The following AKT3 variants were observed in gnomAD, a reference collection of about 807,000 sequenced individuals.
AKT3 encodes the protein RAC-gamma serine/threonine-protein kinase.
AKT3 carries 15 observed loss-of-function variants against 65.3 expected under a neutral mutation model. That is an observed-to-expected ratio of 0.23 (90% CI 0.15 to 0.35). The LOEUF (loss-of-function observed/expected upper bound fraction) is 0.35, where lower values mean the gene tolerates loss of function less well. Ranked by LOEUF, AKT3 falls within the 10% of genes least tolerant of loss-of-function variation. The pLI is 1.00. For synonymous variants in AKT3, 206 were observed against 183.8 expected (o/e 1.12, Z -0.98); for missense variants, 243 against 576.5 (o/e 0.42, Z 5.92).
At chr1:243,711,791 A>G (rs1191316501) in intron 2 of AKT3, among the ~76,000 whole-genome samples, 1 of 152,228 alleles carries the variant, frequency 6.6e-6, no homozygotes, top group Non-Finnish European at 1.5e-5. Context: ...GACTATGAGT[A>G]AATTCACTCA....
In AKT3 at chr1:243,637,650, A is replaced by G. The variant is rs766072665; in HGVS notation, c.522T>C (p.Tyr174=). Residue 174 remains tyrosine, a synonymous_variant, in exon 6 of 14, where the codon TAT becomes TAC. Transcript: ENST00000673466. ...CTTCTTTCTTCAGAATCTTCATAGC[A>G]TAGTATTTTCCACTTGCCTTCTCTC... ...LVREKASGKY[Y]AMKILKKEVI... 4.2e-5 allele frequency: 67 copies of G among 1,607,886 alleles called. No homozygotes were observed. Among genetic ancestry groups the G allele is most frequent in the Non-Finnish European group, 5.5e-5 (65 of 1,176,448 alleles).
intron 2 of AKT3, among the ~76,000 whole-genome samples, chr1:243,837,843 C>T (rs1694989244): frequency 6.6e-6 from 1 of 152,198 alleles, no homozygotes; most frequent in Non-Finnish European, 1.5e-5. Context: ...AAAATATCCA[C>T]TCTTACCACT....
chr1:243,847,548 C>T (rs1329492361), intron 1 of AKT3, among the ~76,000 whole-genome samples: 2 of 152,096 alleles, frequency 1.3e-5, no homozygotes, highest in Non-Finnish European at 2.9e-5. Context: ...TGGAAATTTC[C>T]ACTGAATTTT....
At chr1:243,849,116 C>T (rs1314237106) in intron 1 of AKT3, among the ~76,000 whole-genome samples, 2 of 152,220 alleles carry the variant, frequency 1.3e-5, no homozygotes, top group African/African-American at 4.8e-5. Flanking sequence ...AACACAGCAA[C>T]CAGCTAGGCT....
At chr1:243,659,039 A>AG (rs1682055503) in intron 4 of AKT3, among the ~76,000 whole-genome samples, 1 of 152,068 alleles carries the variant, frequency 6.6e-6, no homozygotes, top group South Asian at 2.1e-4. Flanking sequence ...CAAAAAAAAA[A>AG]GAAAGAAGGC....
At chr1:243,653,412 G>A (rs923170389) in intron 4 of AKT3, among the ~76,000 whole-genome samples, 4 of 152,178 alleles carry the variant, frequency 2.6e-5, no homozygotes, top group African/African-American at 7.2e-5. Context: ...AATTCTACCA[G>A]AGGTACAAAG....
intron 4 of AKT3, among the ~76,000 whole-genome samples, chr1:243,657,258 C>A (rs566999783): frequency 7.9e-5 from 12 of 152,246 alleles, no homozygotes; most frequent in Non-Finnish European, 1.3e-4. Context: ...TCTCTAGACA[C>A]TGAATTTGCC....
intron 2 of AKT3, among the ~76,000 whole-genome samples, chr1:243,701,004 T>TTTTGTTCAACC (rs1373893240): frequency 6.6e-6 from 1 of 152,246 alleles, no homozygotes; most frequent in East Asian, 1.9e-4. Flanking sequence ...GTATTTTTAC[T>TTTTGTTCAACC]TAATAATCTT....
chr1:243,571,191 C>T (rs917065648), intron 9 of AKT3, among the ~76,000 whole-genome samples: 4 of 152,158 alleles, frequency 2.6e-5, no homozygotes, highest in Non-Finnish European at 5.9e-5. Flanking sequence ...GTGGCACATG[C>T]CTGTAATCCC....
At chr1:243,621,496 A>G (rs552326914) in intron 6 of AKT3, among the ~76,000 whole-genome samples, 2 of 152,144 alleles carry the variant, frequency 1.3e-5, no homozygotes, top group South Asian at 4.2e-4. Context: ...AATTCTCTTC[A>G]CTGGGTACAC....
At chr1:243,841,128 C>A (rs1438451167) in intron 2 of AKT3, among the ~76,000 whole-genome samples, 1 of 152,020 alleles carries the variant, frequency 6.6e-6, no homozygotes, top group Non-Finnish European at 1.5e-5. Flanking sequence ...ACATACACAT[C>A]TCAAAATAAA....
chr1:243,850,455 G>A (rs975425932), upstream of AKT3, among the ~76,000 whole-genome samples: 2 of 151,322 alleles, frequency 1.3e-5, no homozygotes, highest in African/African-American at 2.4e-5. Flanking sequence ...CCGGCGGGGC[G>A]GCGGCTCTGG....
chr1:243,735,728 T>A (rs1687804618), intron 2 of AKT3: 5 of 152,120 alleles, frequency 3.3e-5, no homozygotes, highest in Admixed American at 3.3e-4. Context: ...CAAAAGTGGG[T>A]GCATGCTCAC....
At chr1:243,729,930 G>A (rs774309660) in intron 2 of AKT3, among the ~76,000 whole-genome samples, 4 of 152,102 alleles carry the variant, frequency 2.6e-5, no homozygotes, top group Non-Finnish European at 5.9e-5. Flanking sequence ...CTTCCTAACA[G>A]CTTTAAATAT....
intron 2 of AKT3, among the ~76,000 whole-genome samples, chr1:243,834,377 G>A (rs1263931267): frequency 6.6e-6 from 1 of 152,134 alleles, no homozygotes; most frequent in East Asian, 1.9e-4. Flanking sequence ...GAGCTGGAGG[G>A]TATTACCTAA....
chr1:243,503,315 A>C lies in AKT3; in HGVS notation c.*1934T>G, dbSNP rs1669448793. 1 of 233,618 alleles carries C rather than the reference A, an allele frequency of 4.3e-6. No individual in the cohort carries two copies. The highest frequency in any genetic ancestry group is 5.6e-5 in the Admixed American group (1 of 17,780). 14.5% of individuals were successfully genotyped at this position (233,618 alleles called of 1,614,324 possible). ...CACTGCCAGCAGTGGTTTCATAGCT[A>C]TAAATCCACACTTCCAGCGTCAAGA... On this transcript the variant is annotated 3_prime_UTR_variant, in exon 14 of 14. Coordinates refer to ENST00000673466, the MANE Select transcript of AKT3 (RefSeq NM_005465.7).
intron 8 of AKT3, among the ~76,000 whole-genome samples, chr1:243,588,761 CG>C (rs932834988): frequency 7.9e-5 from 12 of 151,996 alleles, no homozygotes; most frequent in African/African-American, 2.9e-4. Flanking sequence ...AAAACTTAAA[CG>C]TAAGACCTGA....
chr1:243,640,619 C>T (rs1489515923), intron 5 of AKT3, among the ~76,000 whole-genome samples: 6 of 152,036 alleles, frequency 3.9e-5, no homozygotes, highest in Admixed American at 1.3e-4. Flanking sequence ...ATTACCACTC[C>T]GAGAGAGAGA....
In AKT3 at chr1:243,572,137, T is replaced by C. The variant is rs373552135; in HGVS notation, c.819+789A>G. ...AATTCCTTTAATGTCGCCAACCTAA[T>C]TCATAACACTGTCATGAGAATTACT... On this transcript the variant is annotated intron_variant, in intron 9 of 13. Coordinates refer to ENST00000673466, the MANE Select transcript of AKT3 (RefSeq NM_005465.7). Among the ~76,000 whole-genome samples, 57 of 152,328 alleles carry C rather than the reference T, an allele frequency of 3.7e-4. No individual in the cohort carries two copies. The South Asian group carries it at 9.3e-3, about 25-fold the overall frequency.
Sources: gnomAD v4.1 joint callset for allele counts (sites outside exome capture counted in the v4.1 genomes callset) on GRCh38, gnomAD v4.1.1 for gene constraint, MANE v1.5 for transcripts, NCBI Gene and HGNC (gene_info 2026-07-23, HGNC 2026-07-21) for gene names.